PALB2: variants seen among roughly 807,000 people sequenced by gnomAD.
PALB2 encodes partner and localizer of BRCA2.
In PALB2, 82 loss-of-function variants were observed where a neutral mutation model predicts 107.4. The observed-to-expected ratio is 0.76, with a 90% CI of 0.64 to 0.92. The LOEUF (loss-of-function observed/expected upper bound fraction) is 0.92, where lower values mean the gene tolerates loss of function less well. Ranked by LOEUF, PALB2 falls within the 40% of genes least tolerant of loss-of-function variation. The pLI is 0.00. For synonymous variants in PALB2, 489 were observed against 496.8 expected, an observed-to-expected ratio of 0.98 and a Z score of 0.21; for missense variants, 1,374 against 1,379.9, an observed-to-expected ratio of 1.00 and a Z score of 0.07.
intron 10 of PALB2, chr16:23,617,628 C>T (rs1420801517): frequency 2.0e-5 from 3 of 151,024 alleles, no homozygotes; most frequent in African/African-American, 7.3e-5. Context: ...ATCTGTAGTC[C>T]TGCTACTCAG....
At chr16:23,621,619 A>T (rs1468109213) in intron 9 of PALB2, 141 bp from the exon 10 acceptor site, 2 of 661,876 alleles carry the variant, frequency 3.0e-6, no homozygotes, top group Non-Finnish European at 2.7e-6. Flanking sequence ...CGTGTATACT[A>T]AACTTTCTAC....
intron 1 of PALB2, 67 bp downstream of exon 1, chr16:23,641,043 G>A: frequency 6.4e-7 from 1 of 1,573,534 alleles, no homozygotes; most frequent in East Asian, 2.3e-5. Flanking sequence ...AGGACACAAA[G>A]CCAGGCCTAA....
In PALB2 at chr16:23,616,773, G is replaced by A. The variant is rs529301149; in HGVS notation, c.3114-2682C>T. ...CCTCAGTGTTTAAGAATGTTTTAAC[G>A]TGTTTCTTTGATATGACTTCATTGT... On this transcript the variant is annotated intron_variant, in intron 10 of 12. Transcript: ENST00000261584. 3.9e-5 allele frequency among the ~76,000 whole-genome samples: 6 copies of A among 152,128 alleles called. No homozygotes were observed. The East Asian group carries it at 7.7e-4, about 20-fold the overall frequency.
chr16:23,609,594 T>C (rs1966546460), intron 11 of PALB2, among the ~76,000 whole-genome samples: 1 of 152,118 alleles, frequency 6.6e-6, no homozygotes, highest in African/African-American at 2.4e-5. Flanking sequence ...GTCTGCTCAC[T>C]GCAAGCTCTG....
At chr16:23,611,078 GTCTATCTATCTATCTATCTA>G (rs201931763) in intron 11 of PALB2, among the ~76,000 whole-genome samples, 2 of 148,090 alleles carry the variant, frequency 1.4e-5, no homozygotes, top group Non-Finnish European at 3.0e-5. Flanking sequence ...TCAACTGTCA[GTCTATCTATCTATCTATCTA>G]TCTATCTATC....
chr16:23,626,378 G>A lies in PALB2; in HGVS notation c.2606C>T (p.Ser869Phe), dbSNP rs779279139. The change falls in exon 7 of 13, where the codon TCC becomes TTC. Residue 869 changes from serine (S) to phenylalanine (F), a missense_variant. Transcript: ENST00000261584. ...SELKNPSGSC[S>F]VDVSAMFWER... ...CCAAAACATGGCACTCACATCTACG[G>A]AACAGGAACCTGAAGGATTCTGACA... The A allele has an allele frequency of 2.5e-6, 4 of 1,614,050 alleles. No homozygotes were observed. Among genetic ancestry groups the A allele is most frequent in the South Asian group, 2.2e-5 (2 of 91,090 alleles).
Position 23,630,273 on chromosome 16 carries a change from C to T in PALB2, c.1881G>A (p.Val627=), listed in dbSNP as rs139362268. The change falls in exon 5 of 13, where the codon GTG becomes GTA. Residue 627 remains valine (V), a synonymous_variant. Coordinates refer to ENST00000261584, the MANE Select transcript of PALB2 (RefSeq NM_024675.4). ...EDFGPLKLEK[V]KSCSEKPVEP... ...CCACTGGTTTTTCTGAGCAGGACTT[C>T]ACTTTTTCAAGCTTAAGAGGTCCAA... is the stretch of plus-strand genomic sequence containing the variant. 2 of 1,614,046 alleles carry T rather than the reference C, an allele frequency of 1.2e-6. No individual in the cohort carries two copies. Among genetic ancestry groups the T allele is most frequent in the East Asian group, 4.5e-5 (2 of 44,898 alleles).
intron 4 of PALB2, among the ~76,000 whole-genome samples, chr16:23,631,279 CAAAAAA>C (rs1157091932): frequency 5.9e-4 from 14 of 23,652 alleles, no homozygotes; most frequent in South Asian, 1.8e-3. Flanking sequence ...GACTCTGTCT[CAAAAAA>C]AAAAAAAAAA....
chr16:23,624,662 C>T (rs566441671), intron 7 of PALB2, among the ~76,000 whole-genome samples: 3 of 152,252 alleles, frequency 2.0e-5, no homozygotes, highest in South Asian at 2.1e-4. Context: ...TACAGGCATT[C>T]GCCACCACAC....
intron 10 of PALB2, among the ~76,000 whole-genome samples, chr16:23,617,080 G>T (rs564288679): frequency 1.3e-5 from 2 of 152,104 alleles, no homozygotes; most frequent in Non-Finnish European, 2.9e-5. Context: ...CTCCCAAAGT[G>T]CTGGGATTAC....
rs190931132 is a variant in PALB2 at position 23,637,201 on chromosome 16, T to C, written c.211+649A>G. Among the ~76,000 whole-genome samples the C allele has an allele frequency of 4.7e-3, 716 of 152,246 alleles. 3 individuals carry two copies. Among genetic ancestry groups the C allele is most frequent in the Non-Finnish European group, 7.6e-3 (517 of 68,014 alleles). On this transcript the variant is annotated intron_variant, in intron 3 of 12. Coordinates refer to ENST00000261584, the MANE Select transcript of PALB2 (RefSeq NM_024675.4). Reference sequence around the variant, plus strand: ...AGGTGGAGGCTGCAGTGAGCTGTGATTGAGCCACTGTACTCCAGCCTTGAT... The same window carrying C: ...AGGTGGAGGCTGCAGTGAGCTGTGACTGAGCCACTGTACTCCAGCCTTGAT...
intron 5 of PALB2, 48 bp from the exon 6 acceptor site, chr16:23,629,323 T>C (rs745862323): frequency 6.8e-7 from 1 of 1,467,286 alleles, no homozygotes; most frequent in Non-Finnish European, 9.5e-7. Flanking sequence ...ATGTATAATG[T>C]CTGCCTGCAT....
At chr16:23,636,413 A>T in intron 3 of PALB2, 79 bp from the exon 4 acceptor site, 1 of 901,768 alleles carries the variant, frequency 1.1e-6, no homozygotes. Context: ...AACCTATTAT[A>T]TATAAATACT....
intron 1 of PALB2, among the ~76,000 whole-genome samples, chr16:23,639,086 G>A (rs575142995): frequency 2.6e-5 from 4 of 152,068 alleles, no homozygotes; most frequent in African/African-American, 4.8e-5. Context: ...AGATTCCCTC[G>A]TCTCTCTGGC....
At chr16:23,628,309 T>C (rs976055836) in intron 6 of PALB2, among the ~76,000 whole-genome samples, 7 of 152,188 alleles carry the variant, frequency 4.6e-5, no homozygotes, top group Non-Finnish European at 1.0e-4. Flanking sequence ...GCATCCTTTA[T>C]AGAAAAGGAA....
At chr16:23,629,556 A>G (rs1689406372) in intron 5 of PALB2, 84 bp downstream of exon 5, 1 of 1,321,800 alleles carries the variant, frequency 7.6e-7, no homozygotes, top group African/African-American at 1.4e-5. Context: ...TGGAAGGCCC[A>G]ATGCGCAAGC....
chr16:23,626,435 G>T lies in PALB2; in HGVS notation c.2587-38C>A, dbSNP rs180177119. The T allele has an allele frequency of 1.2e-6, 2 of 1,612,102 alleles. 1 individual carries two copies. Among genetic ancestry groups the T allele is most frequent in the South Asian group, 2.2e-5 (2 of 91,024 alleles). ...CAACAGTTCTGTTAAAGTGGCACTC[G>T]AGTGCTGTTTTATGCAAAGCATAAG... On this transcript the variant is annotated intron_variant, in intron 6 of 12. Transcript: ENST00000261584.
At position 23,629,681 on chromosome 16, in the gene PALB2, T is replaced by C. The variant is rs745747228; in HGVS notation, c.2473A>G (p.Arg825Gly). The change falls in exon 5 of 13, where the codon AGA (arginine) becomes GGA (glycine). Residue 825 changes from arginine to glycine, a missense_variant. By Grantham distance (125) the Arg-to-Gly change is moderately radical. Transcript: ENST00000261584. ...TTATGCAGCTCCTGGCATGTGTTTC[T>C]ACAGAGCTGATTTTCTTTAAAAGTG... ...SFTFKENQLC[R>G]NTCQELHKHS... 6.2e-7 allele frequency: 1 copy of C among 1,614,252 alleles called. No individual in the cohort carries two copies. The highest frequency in any genetic ancestry group is 1.7e-5 in the Admixed American group (1 of 60,028).
At position 23,632,076 on chromosome 16, in the gene PALB2, A is replaced by G. The variant is rs190193839; in HGVS notation, c.1685-1607T>C. Among the ~76,000 whole-genome samples the G allele has an allele frequency of 5.0e-4, 76 of 152,346 alleles. 1 individual carries two copies. The highest frequency in any genetic ancestry group is 1.8e-3 in the Admixed American group (27 of 15,300). ...TAAACAAACTGTGGTATATACATAC[A>G]ATGGAATACTAGTCAGCCATAAAGA... On this transcript the variant is annotated intron_variant, in intron 4 of 12. Transcript: ENST00000261584.
Sources: gnomAD v4.1 joint callset for allele counts (sites outside exome capture counted in the v4.1 genomes callset) on GRCh38, gnomAD v4.1.1 for gene constraint, MANE v1.5 for transcripts, NCBI Gene and HGNC (gene_info 2026-07-23, HGNC 2026-07-21) for gene names.